Variants in KIF16B observed in about 807,000 individuals in gnomAD.
KIF16B encodes the protein kinesin family member 16B.
KIF16B carries 98 observed loss-of-function variants against 156.3 expected under a neutral mutation model. That is an observed-to-expected ratio of 0.63 (90% CI 0.53 to 0.74). The LOEUF is 0.74. Among genes scored for constraint, KIF16B ranks in the 30% least tolerant of loss-of-function variants. The pLI, the probability that KIF16B is intolerant of heterozygous loss-of-function variation, is 0.00. For missense variants in KIF16B, 1,421 were observed against 1,606.5 expected, an observed-to-expected ratio of 0.88 and a Z score of 1.97; for synonymous variants, 564 against 583.7, an observed-to-expected ratio of 0.97 and a Z score of 0.49.
At chr20:16,542,846 G>A (rs775501863) in intron 1 of KIF16B, among the ~76,000 whole-genome samples, 9 of 152,200 alleles carry the variant, frequency 5.9e-5, no homozygotes, top group Non-Finnish European at 1.2e-4. Context: ...TTGTGTACAG[G>A]GGAGTGGCAA....
intron 13 of KIF16B, 84 bp downstream of exon 13, chr20:16,429,779 C>A (rs535802717): frequency 2.5e-6 from 3 of 1,186,786 alleles, no homozygotes; most frequent in Admixed American, 2.4e-5. Context: ...TGTTCATGAC[C>A]ATAGAATATT....
intron 24 of KIF16B, among the ~76,000 whole-genome samples, chr20:16,312,779 T>C (rs1218768014): frequency 6.6e-6 from 1 of 151,820 alleles, no homozygotes; most frequent in Non-Finnish European, 1.5e-5. Flanking sequence ...CCCACCCTTT[T>C]TTTTTTTTTA....
At chr20:16,339,515 G>C (rs1050534622) in intron 23 of KIF16B, among the ~76,000 whole-genome samples, 5 of 152,088 alleles carry the variant, frequency 3.3e-5, no homozygotes, top group Non-Finnish European at 7.3e-5. Flanking sequence ...CTGGATGCCT[G>C]TACCTCTCTC....
chr20:16,414,500 T>C (rs1317468657), intron 15 of KIF16B, among the ~76,000 whole-genome samples: 1 of 152,172 alleles, frequency 6.6e-6, no homozygotes, highest in Non-Finnish European at 1.5e-5. Context: ...CTGCTTTAGA[T>C]AAATCACTTC....
intron 4 of KIF16B, among the ~76,000 whole-genome samples, chr20:16,514,588 A>AG (rs2069073136): frequency 1.5e-5 from 2 of 137,652 alleles, no homozygotes; most frequent in Admixed American, 7.6e-5. Context: ...ATAAGAAAAA[A>AG]AAAAAAAAAA....
rs1202457664 is a variant in KIF16B, at chr20:16,506,471, C to T, written c.700-281G>A. ...CTGTGGCAGAACAGAAAACTAGGCA[C>T]TGAGTGGCACTCAGCAGAGAAATGT... On this transcript the variant is annotated intron_variant, in intron 7 of 25. Transcript: ENST00000354981. Among the ~76,000 whole-genome samples, 3 of 152,316 alleles carry T rather than the reference C, an allele frequency of 2.0e-5. No homozygotes were observed. The East Asian group carries it at 5.8e-4, about 29-fold the overall frequency.
intron 24 of KIF16B, among the ~76,000 whole-genome samples, chr20:16,316,311 A>AT (rs2063697271): frequency 6.6e-6 from 1 of 152,190 alleles, no homozygotes; most frequent in Non-Finnish European, 1.5e-5. Flanking sequence ...TCAAAAGAAT[A>AT]TTTTTCTTAA....
At chr20:16,382,695 T>G (rs2065126582) in intron 17 of KIF16B, among the ~76,000 whole-genome samples, 1 of 152,224 alleles carries the variant, frequency 6.6e-6, no homozygotes. Flanking sequence ...GTATTTCTTT[T>G]TAATTTTTTT....
chr20:16,440,212 C>T (rs1392548261), intron 12 of KIF16B, among the ~76,000 whole-genome samples: 1 of 152,122 alleles, frequency 6.6e-6, no homozygotes. Flanking sequence ...CTATTAAAAA[C>T]AATACCCAAG....
At chr20:16,461,043 G>GTTT (rs2067333074) in intron 12 of KIF16B, among the ~76,000 whole-genome samples, 3 of 151,878 alleles carry the variant, frequency 2.0e-5, no homozygotes, top group Non-Finnish European at 4.4e-5. Flanking sequence ...AAATTTCATT[G>GTTT]TTATATAAAA....
chr20:16,294,339 G>A (rs1335850790), intron 25 of KIF16B, among the ~76,000 whole-genome samples: 1 of 152,158 alleles, frequency 6.6e-6, no homozygotes, highest in Non-Finnish European at 1.5e-5. Flanking sequence ...AGAGCCTGAG[G>A]CAGTATTGAG....
At chr20:16,410,089 A>AGGTACATATATATATGTT (rs2065901535) in intron 15 of KIF16B, among the ~76,000 whole-genome samples, 1 of 102,534 alleles carries the variant, frequency 9.8e-6, no homozygotes, top group East Asian at 3.6e-4. Flanking sequence ...ATATATATGT[A>AGGTACATATATATATGTT]GGTACATATA....
In KIF16B at chr20:16,380,015, A is replaced by T. The variant is rs1352071640; in HGVS notation, c.1987T>A (p.Phe663Ile). Residue 663 changes from phenylalanine to isoleucine, a missense_variant, in exon 19 of 26, where the codon TTC (phenylalanine) becomes ATC (isoleucine). Physicochemically the swap from Phe to Ile is conservative, Grantham distance 21. Coordinates refer to ENST00000354981, the MANE Select transcript of KIF16B (RefSeq NM_024704.5). ...KQEESLKRRS[F>I]HIENKLKDLL... ...TCCTTTAGCTTGTTCTCGATGTGGA[A>T]GCTGCGGCGTTTGAGGCTCTCCTCC... 6 of 1,601,702 alleles carry T rather than the reference A, an allele frequency of 3.7e-6. No individual in the cohort carries two copies. Among genetic ancestry groups the T allele is most frequent in the East Asian group, 2.2e-5 (1 of 44,816 alleles).
chr20:16,427,090 T>C lies in KIF16B; in HGVS notation c.1612+14A>G. ...CAATATATACAAAGACCTGTGAAAA[T>C]TAAAACCAGATACCTTGATTTAGAT... On this transcript the variant is annotated intron_variant, in intron 15 of 25. Transcript: ENST00000354981. 6.3e-7 allele frequency: 1 copy of C among 1,589,666 alleles called. No homozygotes were observed. Among genetic ancestry groups the C allele is most frequent in the Non-Finnish European group, 8.5e-7 (1 of 1,170,312 alleles).
At chr20:16,327,269 A>G (rs1289162200) in intron 24 of KIF16B, among the ~76,000 whole-genome samples, 2 of 151,156 alleles carry the variant, frequency 1.3e-5, no homozygotes, top group African/African-American at 2.4e-5. Context: ...ACATGATACA[A>G]TGGACTTCGG....
intron 25 of KIF16B, among the ~76,000 whole-genome samples, chr20:16,277,186 C>A (rs145033319): frequency 6.6e-6 from 1 of 152,182 alleles, no homozygotes; most frequent in Non-Finnish European, 1.5e-5. Flanking sequence ...CCATGCTGTG[C>A]GCATAGCTGT....
intron 25 of KIF16B, among the ~76,000 whole-genome samples, chr20:16,278,884 A>T (rs187028177): frequency 6.7e-4 from 102 of 152,272 alleles, no homozygotes; most frequent in African/African-American, 2.3e-3. Flanking sequence ...TACACCGGGC[A>T]TCTTAGCTGC....
intron 22 of KIF16B, among the ~76,000 whole-genome samples, chr20:16,358,309 C>T (rs2064485515): frequency 6.6e-6 from 1 of 152,198 alleles, no homozygotes; most frequent in Admixed American, 6.5e-5. Context: ...CCTAGGGATA[C>T]CTCCATTTAC....
chr20:16,355,886 A>T (rs6075052), intron 23 of KIF16B, among the ~76,000 whole-genome samples: 4 of 152,234 alleles, frequency 2.6e-5, no homozygotes, highest in African/African-American at 9.6e-5. Context: ...CACAAGATGC[A>T]CACTTTATAC....
Sources: allele counts gnomAD v4.1 joint callset (sites outside exome capture counted in the v4.1 genomes callset), GRCh38; gene constraint gnomAD v4.1.1; transcripts MANE v1.5; gene names NCBI Gene and HGNC (gene_info 2026-07-23, HGNC 2026-07-21).